Variants in NCF4 observed in about 807,000 individuals in gnomAD.
NCF4 encodes the protein neutrophil cytosolic factor 4, also known as neutrophil cytosol factor 4.
NCF4 carries 30 observed loss-of-function variants against 41.7 expected under a neutral mutation model. The observed-to-expected ratio is 0.72, with a 90% confidence interval of 0.54 to 0.97. The LOEUF is 0.97. NCF4 is among the 50% of genes least tolerant of loss of function. The pLI is 0.00. For synonymous variants in NCF4, 195 were observed against 175.8 expected (o/e 1.11, Z -0.87); for missense variants, 432 against 460.9 (o/e 0.94, Z 0.57).
intron 7 of NCF4, 121 bp downstream of exon 7, chr22:36,872,546 T>A: frequency 1.2e-6 from 1 of 829,288 alleles, no homozygotes; most frequent in South Asian, 1.5e-5. Flanking sequence ...AGGGTGGAGG[T>A]GAGATTGGAG....
At chr22:36,869,908 GC>G (rs34851465) in intron 4 of NCF4, among the ~76,000 whole-genome samples, 4 of 151,994 alleles carry the variant, frequency 2.6e-5, no homozygotes, top group African/African-American at 9.7e-5. Flanking sequence ...TATTTTGGGA[GC>G]CCCCCACCCC....
At chr22:36,874,551 A>T (rs962824892) in intron 7 of NCF4, among the ~76,000 whole-genome samples, 2 of 152,184 alleles carry the variant, frequency 1.3e-5, no homozygotes, top group African/African-American at 4.8e-5. Flanking sequence ...GCCACTTTCC[A>T]GAAATAGAAA....
At position 36,865,836 on chromosome 22, in the gene NCF4, C is replaced by A. The variant is rs1335603233; in HGVS notation, c.271+764C>A. On this transcript the variant is annotated intron_variant, in intron 3 of 9. Coordinates refer to ENST00000248899, the MANE Select transcript of NCF4 (RefSeq NM_000631.5). This position sits in a 1 kb window ranked among gnomAD's most constrained non-coding sequence, Gnocchi z 4.3. Reference sequence around the variant, plus strand: ...TTGTTTTTTCTGTCTCTGTTTCTGTCTCTCTCTGTCTCAGCATATGACCCC... The same window carrying A: ...TTGTTTTTTCTGTCTCTGTTTCTGTATCTCTCTGTCTCAGCATATGACCCC... Among the ~76,000 whole-genome samples the A allele has an allele frequency of 6.6e-6, 1 of 152,090 alleles. No individual in the cohort carries two copies. The highest frequency in any genetic ancestry group is 1.5e-5 in the Non-Finnish European group (1 of 68,018).
At chr22:36,876,736 C>A (rs1159177362) in intron 9 of NCF4, among the ~76,000 whole-genome samples, 1 of 151,740 alleles carries the variant, frequency 6.6e-6, no homozygotes, top group Non-Finnish European at 1.5e-5. Context: ...TTTTTTACTA[C>A]TCTAAACAAC....
intron 5 of NCF4, among the ~76,000 whole-genome samples, chr22:36,871,257 G>A (rs1271636474): frequency 6.6e-6 from 1 of 152,216 alleles, no homozygotes; most frequent in Non-Finnish European, 1.5e-5. Context: ...CCAGAGCAAG[G>A]CACTTCACCT....
At chr22:36,864,878 C>T in intron 2 of NCF4, 41 bp from the exon 3 acceptor site, 4 of 1,613,568 alleles carry the variant, frequency 2.5e-6, no homozygotes, top group East Asian at 2.2e-5. Flanking sequence ...GGCTTGTGCT[C>T]CTGGCCCCTG....
chr22:36,876,139 A>G (rs775390890), intron 9 of NCF4, 45 bp downstream of exon 9: 50 of 1,519,656 alleles, frequency 3.3e-5, no homozygotes, highest in Non-Finnish European at 4.3e-5. Context: ...ACTCTGGAGA[A>G]GAGAGCGCAG....
rs527765264 is a variant in NCF4 at position 36,861,284 on chromosome 22, G to C, written c.32+81G>C. ...AGGGACAAAGGCCAGTCCTTCTGCA[G>C]TCCCTGATCAACATGAGAGGCTGGG... On this transcript the variant is annotated intron_variant, in intron 1 of 9. Transcript: ENST00000248899. 8 of 1,487,870 alleles carry C rather than the reference G, an allele frequency of 5.4e-6. No individual in the cohort carries two copies. The South Asian group carries it at 9.7e-5, about 18-fold the overall frequency. The allele number at this position is 1,487,870 out of a possible 1,614,324, so 92.2% of individuals were successfully genotyped here.
At chr22:36,874,863 C>T (rs1198073242) in intron 7 of NCF4, among the ~76,000 whole-genome samples, 2 of 152,114 alleles carry the variant, frequency 1.3e-5, no homozygotes, top group Non-Finnish European at 2.9e-5. Context: ...GGATCAGCAG[C>T]AGGCCCTTCC....
intron 4 of NCF4, among the ~76,000 whole-genome samples, chr22:36,868,267 C>T (rs1045043403): frequency 1.3e-5 from 2 of 152,236 alleles, no homozygotes; most frequent in African/African-American, 2.4e-5. Flanking sequence ...GGGCTAGGAT[C>T]CTTTAGTCTT....
rs1380564789 is a variant in NCF4, at chr22:36,876,080, G to A, written c.810G>A (p.Leu270=). 27 of 1,608,928 alleles carry A rather than the reference G, an allele frequency of 1.7e-5. No individual in the cohort carries two copies. Among genetic ancestry groups the A allele is most frequent in the Non-Finnish European group, 1.8e-5 (21 of 1,176,678 alleles). ...DLSSTPLLKD[L]LELTRREFQR... is the part of the protein sequence containing the mutation. The stretch of plus-strand genomic sequence containing the variant: ...GCAGCACTCCCCTATTGAAAGACCT[G>A]CTGGAGCTCACAAGGTGAGGGGCTG... The change falls in exon 9 of 10, where the codon CTG becomes CTA. Residue 270 remains leucine, a synonymous_variant. Transcript: ENST00000248899.
rs112099030 is a variant in NCF4 at position 36,872,467 on chromosome 22, G to C, written c.627+42G>C. The C allele has an allele frequency of 3.4e-6, 5 of 1,469,298 alleles. No homozygotes were observed. The Admixed American group carries it at 7.1e-5, about 21-fold the overall frequency. 91.0% of individuals were successfully genotyped at this position (1,469,298 alleles called of 1,614,324 possible). A position where few individuals can be genotyped will look rare whatever the true frequency, so the allele number is the denominator to read the frequency against. ...GGATGGAGGTGAGATTGAAGGTGAGGTTGGAGGGAAATTAAAAGTGAAGAT... is the reference window on the plus strand; with the variant it reads ...GGATGGAGGTGAGATTGAAGGTGAGCTTGGAGGGAAATTAAAAGTGAAGAT... On this transcript the variant is annotated intron_variant, in intron 7 of 9. Transcript: ENST00000248899.
At chr22:36,875,081 G>A (rs758922002) in intron 7 of NCF4, among the ~76,000 whole-genome samples, 12 of 152,128 alleles carry the variant, frequency 7.9e-5, no homozygotes, top group Non-Finnish European at 1.2e-4. Flanking sequence ...CCAGGCTGGA[G>A]TGCAATGGCG....
chr22:36,866,914 T>C (rs551821302), intron 3 of NCF4, among the ~76,000 whole-genome samples: 6 of 152,264 alleles, frequency 3.9e-5, no homozygotes, highest in East Asian at 1.9e-4. Context: ...CCTTGAGAGA[T>C]GGAAAGAATC....
At chr22:36,870,255 G>A (rs1569113453) in intron 4 of NCF4, 160 bp from the exon 5 acceptor site, 1 of 1,057,170 alleles carries the variant, frequency 9.5e-7, no homozygotes, top group East Asian at 2.5e-5. Flanking sequence ...AGCATGCTGA[G>A]TTTTCTTATT....
At chr22:36,870,577 G>C (rs1940033176) in intron 5 of NCF4, 35 bp downstream of exon 5, 1 of 1,606,730 alleles carries the variant, frequency 6.2e-7, no homozygotes. Flanking sequence ...CACATGGCCA[G>C]AGCCCTGGGT....
chr22:36,875,714 T>C lies in NCF4; in HGVS notation c.689T>C (p.Phe230Ser). The change falls in exon 8 of 10, where the codon TTC (phenylalanine) becomes TCC (serine). Residue 230 changes from phenylalanine to serine, a missense_variant. Physicochemically the swap from Phe to Ser is radical, Grantham distance 155. Transcript: ENST00000248899. The part of the protein sequence containing the change: ...PLSFVKILKD[F>S]PEEDDPTNWL... ...TCCTTCGTGAAGATCCTCAAAGACT[T>C]CCCTGAGGAGGACGACCCCACCAAC... 3.7e-6 allele frequency: 6 copies of C among 1,613,650 alleles called. No homozygotes were observed. The highest frequency in any genetic ancestry group is 1.1e-5 in the South Asian group (1 of 91,084).
chr22:36,861,053 G>C lies in NCF4; in HGVS notation c.-119G>C. ...AGCCTCCCCAAAGGCAGCTCCTGGG[G>C]ACTCCCAGGACCACAGGCTGAGACG... On this transcript the variant is annotated 5_prime_UTR_variant, in exon 1 of 10. Transcript: ENST00000248899. The C allele has an allele frequency of 8.9e-6, 12 of 1,350,008 alleles. No homozygotes were observed. Among genetic ancestry groups the C allele is most frequent in the Non-Finnish European group, 1.2e-5 (12 of 964,558 alleles). The allele number at this position is 1,350,008 out of a possible 1,614,324, so 83.6% of individuals were successfully genotyped here.
chr22:36,871,527 A>T, intron 5 of NCF4, 125 bp from the exon 6 acceptor site: 1 of 1,099,640 alleles, frequency 9.1e-7, no homozygotes, highest in Non-Finnish European at 1.4e-6. Flanking sequence ...TTGCAGCCAC[A>T]TTTCAGCATC....
Sources: gnomAD v4.1 joint callset for allele counts (sites outside exome capture counted in the v4.1 genomes callset) on GRCh38, gnomAD v4.1.1 for gene constraint, Gnocchi (gnomAD v3.1) non-coding constraint, MANE v1.5 for transcripts, NCBI Gene and HGNC (gene_info 2026-07-23, HGNC 2026-07-21) for gene names.